ATL3: variants seen among roughly 807,000 people sequenced by gnomAD.
ATL3 encodes atlastin-3.
ATL3 carries 49 observed loss-of-function variants against 69.5 expected under a neutral mutation model. That is an observed-to-expected ratio of 0.71 (90% CI 0.56 to 0.89). The LOEUF is 0.89. Among genes scored for constraint, ATL3 ranks in the 40% least tolerant of loss-of-function variants. The pLI, the probability that ATL3 is intolerant of heterozygous loss-of-function variation, is 0.00. For missense variants in ATL3, 606 were observed against 645.7 expected, an observed-to-expected ratio of 0.94 and a Z score of 0.67; for synonymous variants, 214 against 224.1, an observed-to-expected ratio of 0.95 and a Z score of 0.40.
chr11:63,642,601 T>C (rs989036947), intron 8 of ATL3, among the ~76,000 whole-genome samples: 1 of 152,112 alleles, frequency 6.6e-6, no homozygotes, highest in Non-Finnish European at 1.5e-5. Flanking sequence ...CTTACTTAAC[T>C]AGCTGAGCAC....
chr11:63,659,847 G>A (rs1293941198), intron 1 of ATL3, among the ~76,000 whole-genome samples: 1 of 151,958 alleles, frequency 6.6e-6, no homozygotes, highest in Non-Finnish European at 1.5e-5. Context: ...TGAGGCACGA[G>A]AATAACTTGA....
At chr11:63,671,560 AGGCGGGGCGG>A, upstream of ATL3, 1 of 1,423,922 alleles carries the variant, frequency 7.0e-7, no homozygotes, top group Non-Finnish European at 9.2e-7. Flanking sequence ...AGGCTAGGCG[AGGCGGGGCGG>A]GAAAGCGCAC....
chr11:63,636,068 A>T, intron 9 of ATL3, 139 bp downstream of exon 9: 1 of 1,059,390 alleles, frequency 9.4e-7, no homozygotes, highest in Middle Eastern at 3.1e-4. Flanking sequence ...CTGGAAGGAC[A>T]CCAAGGTCTC....
In ATL3 at chr11:63,628,647, A is replaced by G. The variant is rs961031623; in HGVS notation, c.*672T>C. ...TCAAGAGACCAAGACCATCCTGGCC[A>G]ACATGGTGAAACCCCATCTCTACTA... On this transcript the variant is annotated 3_prime_UTR_variant, in exon 13 of 13. Transcript: ENST00000398868. 2 of 152,290 alleles carry G rather than the reference A, an allele frequency of 1.3e-5. No homozygotes were observed. Among genetic ancestry groups the G allele is most frequent in the African/African-American group, 4.8e-5 (2 of 41,432 alleles). 9.4% of individuals were successfully genotyped at this position (152,290 alleles called of 1,614,324 possible).
At chr11:63,642,492 T>C (rs1939731413) in intron 8 of ATL3, among the ~76,000 whole-genome samples, 1 of 152,184 alleles carries the variant, frequency 6.6e-6, no homozygotes, top group Non-Finnish European at 1.5e-5. Context: ...ACAGTACATA[T>C]CCTCTAAATG....
At chr11:63,654,382 T>C (rs1940176118) in intron 3 of ATL3, among the ~76,000 whole-genome samples, 1 of 151,730 alleles carries the variant, frequency 6.6e-6, no homozygotes, top group South Asian at 2.1e-4. Context: ...CCTGACCTCA[T>C]GATCCGCCCG....
At chr11:63,652,439 G>T in intron 4 of ATL3, 32 bp downstream of exon 4, 1 of 1,352,088 alleles carries the variant, frequency 7.4e-7, no homozygotes, top group Non-Finnish European at 1.0e-6. Context: ...TATTTCCTTT[G>T]CGAGCTTTTT....
chr11:63,636,460 C>T (rs189371776), intron 8 of ATL3, 126 bp from the exon 9 acceptor site: 23 of 1,310,134 alleles, frequency 1.8e-5, no homozygotes, highest in African/African-American at 4.4e-5. Context: ...AGAGAGAAGC[C>T]GGGCACGGTG....
At chr11:63,660,417 A>G (rs866107848) in intron 1 of ATL3, among the ~76,000 whole-genome samples, 6 of 152,220 alleles carry the variant, frequency 3.9e-5, no homozygotes, top group Non-Finnish European at 8.8e-5. Flanking sequence ...AAGACTGACA[A>G]TATCAACTGT....
At chr11:63,664,552 G>GT (rs1455141989) in intron 1 of ATL3, among the ~76,000 whole-genome samples, 1 of 151,354 alleles carries the variant, frequency 6.6e-6, no homozygotes, top group Non-Finnish European at 1.5e-5. Flanking sequence ...AAAAAAAAGC[G>GT]TACTGAGCAA....
intron 5 of ATL3, among the ~76,000 whole-genome samples, chr11:63,649,270 T>C (rs1939991355): frequency 6.6e-6 from 1 of 152,202 alleles, no homozygotes; most frequent in African/African-American, 2.4e-5. Flanking sequence ...AATATTAATG[T>C]GTTTAATCAG....
At chr11:63,639,990 G>A (rs954615295) in intron 8 of ATL3, among the ~76,000 whole-genome samples, 2 of 151,456 alleles carry the variant, frequency 1.3e-5, no homozygotes, top group African/African-American at 2.4e-5. Context: ...GTACAATGGC[G>A]CGATCTCAGC....
chr11:63,634,067 C>G (rs1188550763), intron 10 of ATL3, among the ~76,000 whole-genome samples: 1 of 134,772 alleles, frequency 7.4e-6, no homozygotes, highest in Admixed American at 7.4e-5. Context: ...AAGGAAAAAG[C>G]CGGGTGTGGT....
At chr11:63,658,735 A>G (rs192038443) in intron 3 of ATL3, 26 bp downstream of exon 3, 2 of 1,575,958 alleles carry the variant, frequency 1.3e-6, no homozygotes, top group African/African-American at 1.4e-5. Flanking sequence ...GTTGTTGTTA[A>G]TCTGTAAGGT....
intron 6 of ATL3, 121 bp from the exon 7 acceptor site, chr11:63,644,382 C>A: frequency 1.2e-5 from 4 of 345,018 alleles, no homozygotes; most frequent in South Asian, 2.7e-5. Flanking sequence ...AAGGATTTAC[C>A]TTTTTTTTTT....
chr11:63,631,118 C>A lies in ATL3; in HGVS notation c.1461G>T (p.Trp487Cys). Residue 487 changes from tryptophan (W) to cysteine (C), a missense_variant, in exon 12 of 13, where the codon TGG becomes TGT. Coordinates refer to ENST00000398868, the MANE Select transcript of ATL3 (RefSeq NM_015459.5). ...VGLLLIALLT[W>C]GYIRYSGQYR... ...ATTGACCAGAATACCTGATGTAGCC[C>A]CAGGTGAGGAGTGCTATTAACAGTA... 6.2e-7 allele frequency: 1 copy of A among 1,614,152 alleles called. No homozygotes were observed. The highest frequency in any genetic ancestry group is 2.2e-5 in the East Asian group (1 of 44,888).
In ATL3 at chr11:63,652,477, A is replaced by AG; in HGVS notation, c.503dup (p.Val169CysfsTer5). The AG allele has an allele frequency of 6.4e-7, 1 of 1,572,430 alleles. No homozygotes were observed. The highest frequency in any genetic ancestry group is 1.4e-5 in the African/African-American group (1 of 73,984). ...TGAGTCAAGTGGTTTTTACCTGAACAGAACTAGTCATAGTGCTTAGAGCAA... is the reference window on the plus strand; with the variant it reads ...TGAGTCAAGTGGTTTTTACCTGAACAGGAACTAGTCATAGTGCTTAGAGCAA... On this transcript the variant is annotated frameshift_variant, in exon 4 of 13. Coordinates refer to ENST00000398868, the MANE Select transcript of ATL3 (RefSeq NM_015459.5). LOFTEE classifies it high-confidence loss of function.
intron 5 of ATL3, among the ~76,000 whole-genome samples, chr11:63,648,434 A>C (rs1031174209): frequency 2.0e-5 from 3 of 152,236 alleles, no homozygotes; most frequent in African/African-American, 7.2e-5. Context: ...ACCAGTACAC[A>C]AGGCCTATCC....
chr11:63,636,932 T>C (rs1358751774), intron 8 of ATL3, among the ~76,000 whole-genome samples: 1 of 152,184 alleles, frequency 6.6e-6, no homozygotes, highest in East Asian at 1.9e-4. Flanking sequence ...ACCTTGGTTT[T>C]CATTCTGGGA....
Sources: gnomAD v4.1 joint callset for allele counts (sites outside exome capture counted in the v4.1 genomes callset) on GRCh38, gnomAD v4.1.1 for gene constraint, MANE v1.5 for transcripts, NCBI Gene and HGNC (gene_info 2026-07-23, HGNC 2026-07-21) for gene names.